Variants in CXCL13 observed in about 807,000 individuals in gnomAD.
The protein encoded by CXCL13 is C-X-C motif chemokine ligand 13, also known as C-X-C motif chemokine 13.
CXCL13 carries 7 observed loss-of-function variants against 12.2 expected under a neutral mutation model. The ratio of observed to expected loss-of-function variants is 0.57; its 90% CI spans 0.33 to 1.07. The LOEUF (loss-of-function observed/expected upper bound fraction) is 1.07, where lower values mean the gene tolerates loss of function less well. CXCL13 is among the 50% of genes least tolerant of loss of function. The pLI, the probability that CXCL13 is intolerant of heterozygous loss-of-function variation, is 0.04. For missense variants in CXCL13, 113 were observed against 127.4 expected, an observed-to-expected ratio of 0.89 and a Z score of 0.55; for synonymous variants, 47 against 42.4, an observed-to-expected ratio of 1.11 and a Z score of -0.42.
chr4:77,551,235 G>A (rs1409914562), intron 1 of CXCL13, among the ~76,000 whole-genome samples: 1 of 152,196 alleles, frequency 6.6e-6, no homozygotes, highest in Non-Finnish European at 1.5e-5. Context: ...ATGTACTTTA[G>A]TGTGTTTTGT....
At chr4:77,531,902 A>C (rs985084263) in intron 1 of CXCL13, among the ~76,000 whole-genome samples, 1 of 152,032 alleles carries the variant, frequency 6.6e-6, no homozygotes, top group Non-Finnish European at 1.5e-5. Context: ...TGCTTGGTAG[A>C]TCTTCCTCCA....
intron 1 of CXCL13, among the ~76,000 whole-genome samples, chr4:77,526,298 A>T: frequency 6.6e-6 from 1 of 152,108 alleles, no homozygotes. Flanking sequence ...AAGAGATAAC[A>T]TAAATTAATA....
chr4:77,555,048 A>G (rs894277831), intron 1 of CXCL13, among the ~76,000 whole-genome samples: 18 of 152,020 alleles, frequency 1.2e-4, no homozygotes, highest in Admixed American at 1.2e-3. Context: ...AATTGAACCC[A>G]AAGTAAGTAA....
At chr4:77,520,302 G>A (rs1483668630) in intron 1 of CXCL13, among the ~76,000 whole-genome samples, 1 of 152,098 alleles carries the variant, frequency 6.6e-6, no homozygotes, top group Admixed American at 6.5e-5. Context: ...AAATTACCTT[G>A]GGCAATATGA....
At chr4:77,522,904 G>C (rs1261637450) in intron 1 of CXCL13, among the ~76,000 whole-genome samples, 1 of 152,122 alleles carries the variant, frequency 6.6e-6, no homozygotes, top group Non-Finnish European at 1.5e-5. Flanking sequence ...GGCAGGCCTG[G>C]TGGTGACAAA....
intron 1 of CXCL13, among the ~76,000 whole-genome samples, chr4:77,530,715 CA>C (rs1393109819): frequency 6.6e-6 from 1 of 151,966 alleles, no homozygotes; most frequent in African/African-American, 2.4e-5. Flanking sequence ...TTGATCTTTT[CA>C]AAAAACCAGC....
At chr4:77,565,393 A>T (rs1273350742) in intron 1 of CXCL13, among the ~76,000 whole-genome samples, 1 of 152,152 alleles carries the variant, frequency 6.6e-6, no homozygotes, top group Non-Finnish European at 1.5e-5. Flanking sequence ...TAATACTGGT[A>T]TTTGGTGTTT....
intron 1 of CXCL13, among the ~76,000 whole-genome samples, chr4:77,594,410 A>G (rs1726695502): frequency 6.6e-6 from 1 of 152,228 alleles, no homozygotes; most frequent in Non-Finnish European, 1.5e-5. Context: ...AACAGGGACA[A>G]CAATTAAAAT....
At chr4:77,582,567 G>A (rs112165595) in intron 1 of CXCL13, among the ~76,000 whole-genome samples, 5,435 of 152,266 alleles carry the variant, frequency 0.036, 134 homozygotes, top group Non-Finnish European at 0.055. Context: ...GAAGCTTGAC[G>A]TAGGAACTAA....
At position 77,545,878 on chromosome 4, in the gene CXCL13, G is replaced by C. The variant is rs550671298; in HGVS notation, c.-43+34090G>C. On this transcript the variant is annotated intron_variant, in intron 1 of 4. Transcript: ENST00000286758. The stretch of plus-strand genomic sequence containing the variant: ...TTGTCCATTCAGTATGATATTGGCT[G>C]TGCATTTGTCATAAATACCTCTTAT... Among the ~76,000 whole-genome samples, 4 of 152,280 alleles carry C rather than the reference G, an allele frequency of 2.6e-5. No individual in the cohort carries two copies. In the East Asian group the frequency reaches 7.7e-4, roughly 29 times the overall value.
At chr4:77,538,425 T>C (rs1725117105) in intron 1 of CXCL13, among the ~76,000 whole-genome samples, 1 of 61,520 alleles carries the variant, frequency 1.6e-5, no homozygotes, top group African/African-American at 6.6e-5. Context: ...TGTCTTGTCT[T>C]TTTTTTTTTT....
intron 1 of CXCL13, among the ~76,000 whole-genome samples, chr4:77,589,922 C>T (rs1726567410): frequency 6.6e-6 from 1 of 152,142 alleles, no homozygotes; most frequent in South Asian, 2.1e-4. Flanking sequence ...AGTAATTCCA[C>T]TTTTCTCTCC....
At chr4:77,605,336 C>A (rs569957400), upstream of CXCL13, among the ~76,000 whole-genome samples, 6 of 152,264 alleles carry the variant, frequency 3.9e-5, no homozygotes, top group South Asian at 8.3e-4. Flanking sequence ...GCGTTAGGAT[C>A]TGTATATAAA....
rs1208622503 is a variant in CXCL13, at chr4:77,570,962, C to T, written c.-42-34862C>T. Among the ~76,000 whole-genome samples the T allele has an allele frequency of 3.9e-5, 6 of 152,032 alleles. 1 individual carries two copies. Among genetic ancestry groups the T allele is most frequent in the African/African-American group, 9.7e-5 (4 of 41,278 alleles). The stretch of plus-strand genomic sequence containing the variant: ...GGCCTTCCTCTGCCTCCGTGGGTTC[C>T]TGTGCAGCCCGAGACTCCCTGACGA... On this transcript the variant is annotated intron_variant, in intron 1 of 4. Coordinates refer to the CXCL13 transcript ENST00000286758.
chr4:77,608,049 A>G (rs1465540638), intron 2 of CXCL13, among the ~76,000 whole-genome samples: 6 of 152,180 alleles, frequency 3.9e-5, no homozygotes, highest in African/African-American at 1.4e-4. Flanking sequence ...CATTTTCTTT[A>G]TTCAACCACT....
intron 1 of CXCL13, among the ~76,000 whole-genome samples, chr4:77,513,420 T>A (rs1724321041): frequency 6.6e-6 from 1 of 152,118 alleles, no homozygotes; most frequent in East Asian, 1.9e-4. Flanking sequence ...CATTCCTATT[T>A]CTCCACATCC....
At chr4:77,543,347 G>T (rs1208300818) in intron 1 of CXCL13, among the ~76,000 whole-genome samples, 5 of 151,830 alleles carry the variant, frequency 3.3e-5, no homozygotes. Flanking sequence ...TGGATTTTTG[G>T]ATCTCAATCA....
chr4:77,586,544 C>T (rs17002725), intron 1 of CXCL13, among the ~76,000 whole-genome samples: 2,874 of 152,156 alleles, frequency 0.019, 94 homozygotes, highest in African/African-American at 0.066. Flanking sequence ...ACTGTGCCCA[C>T]GAGGACAAGT....
intron 1 of CXCL13, among the ~76,000 whole-genome samples, chr4:77,552,627 G>A (rs527280108): frequency 3.3e-5 from 5 of 152,358 alleles, no homozygotes; most frequent in Non-Finnish European, 2.9e-5. Context: ...TGGACCTACA[G>A]GTCCCCTGAT....
Sources: allele counts gnomAD v4.1 joint callset (sites outside exome capture counted in the v4.1 genomes callset), GRCh38; gene constraint gnomAD v4.1.1; transcripts MANE v1.5; gene names NCBI Gene and HGNC (gene_info 2026-07-23, HGNC 2026-07-21).